Variants in MAP2K6 observed in about 807,000 individuals in gnomAD.
MAP2K6 encodes mitogen-activated protein kinase kinase 6.
In MAP2K6, 16 loss-of-function variants were observed where a neutral mutation model predicts 53.7. The ratio of observed to expected loss-of-function variants is 0.30; its 90% CI spans 0.20 to 0.45. The LOEUF is 0.45. Among genes scored for constraint, MAP2K6 ranks in the 20% least tolerant of loss-of-function variants. MAP2K6 has a pLI of 1.00. For missense variants in MAP2K6, 204 were observed against 411.9 expected, an observed-to-expected ratio of 0.50 and a Z score of 4.37; for synonymous variants, 132 against 143.1, an observed-to-expected ratio of 0.92 and a Z score of 0.55.
chr17:69,438,559 C>T (rs1906721298), intron 1 of MAP2K6, among the ~76,000 whole-genome samples: 1 of 151,960 alleles, frequency 6.6e-6, no homozygotes, highest in Non-Finnish European at 1.5e-5. Context: ...TTTTTTTGTA[C>T]ATCCTCTGAG....
intron 10 of MAP2K6, among the ~76,000 whole-genome samples, chr17:69,534,455 T>C (rs1207806498): frequency 1.3e-5 from 2 of 152,150 alleles, no homozygotes; most frequent in Non-Finnish European, 2.9e-5. Flanking sequence ...TGTCCTCACA[T>C]CTACCTGTAG....
intron 6 of MAP2K6, chr17:69,520,770 A>G: frequency 2.4e-6 from 1 of 409,032 alleles, no homozygotes. Context: ...TTCTACCTTC[A>G]TGGCTATTCA....
At chr17:69,492,963 A>C (rs1908805719) in intron 1 of MAP2K6, among the ~76,000 whole-genome samples, 4 of 152,066 alleles carry the variant, frequency 2.6e-5, no homozygotes, top group Admixed American at 6.5e-5. Context: ...TGGTCTATTC[A>C]GCTGAATCCA....
intron 10 of MAP2K6, among the ~76,000 whole-genome samples, chr17:69,532,917 A>G (rs1911156324): frequency 6.6e-6 from 1 of 152,118 alleles, no homozygotes; most frequent in African/African-American, 2.4e-5. Context: ...TACAGAGTTA[A>G]CAAAAATCTG....
rs181089429 is a variant in MAP2K6 at position 69,482,202 on chromosome 17, A to G, written c.17-23578A>G. On this transcript the variant is annotated intron_variant, in intron 1 of 11. Coordinates refer to ENST00000590474, the MANE Select transcript of MAP2K6 (RefSeq NM_002758.4). ...AAATAACCTAGGTTTTGGCAATGTCAGGACTGTTGATACCACCATGCACCA... is the reference window on the plus strand; with the variant it reads ...AAATAACCTAGGTTTTGGCAATGTCGGGACTGTTGATACCACCATGCACCA... 2.0e-5 allele frequency among the ~76,000 whole-genome samples: 3 copies of G among 152,224 alleles called. No individual in the cohort carries two copies. The East Asian group carries it at 5.8e-4, about 29-fold the overall frequency.
At chr17:69,421,777 T>A (rs1906090078) in intron 1 of MAP2K6, among the ~76,000 whole-genome samples, 1 of 152,008 alleles carries the variant, frequency 6.6e-6, no homozygotes, top group Non-Finnish European at 1.5e-5. Flanking sequence ...TCTCCTGACC[T>A]CGTGATCCAC....
intron 1 of MAP2K6, among the ~76,000 whole-genome samples, chr17:69,448,464 C>G (rs543289545): frequency 5.9e-5 from 9 of 152,232 alleles, no homozygotes; most frequent in African/African-American, 1.7e-4. Flanking sequence ...GTTCCCAGCC[C>G]GAAGCTGGAG....
chr17:69,424,817 G>A (rs1188465420), intron 1 of MAP2K6, among the ~76,000 whole-genome samples: 2 of 152,180 alleles, frequency 1.3e-5, no homozygotes, highest in Non-Finnish European at 2.9e-5. Flanking sequence ...AGAGTACAGA[G>A]TCTGACTCAT....
intron 1 of MAP2K6, among the ~76,000 whole-genome samples, chr17:69,469,848 G>A (rs1598277565): frequency 6.6e-6 from 1 of 152,104 alleles, no homozygotes; most frequent in East Asian, 1.9e-4. Context: ...ACATATGATG[G>A]CAAAGGAGAG....
At chr17:69,518,030 A>T (rs1910261834) in intron 4 of MAP2K6, among the ~76,000 whole-genome samples, 1 of 152,134 alleles carries the variant, frequency 6.6e-6, no homozygotes, top group Non-Finnish European at 1.5e-5. Flanking sequence ...CTCTACTAAA[A>T]ATACAAAAAA....
At chr17:69,493,338 A>G in intron 1 of MAP2K6, among the ~76,000 whole-genome samples, 1 of 151,956 alleles carries the variant, frequency 6.6e-6, no homozygotes, top group East Asian at 1.9e-4. Flanking sequence ...TTGCAACACT[A>G]ACTACAAAAG....
rs367955676 is a variant in MAP2K6, at chr17:69,526,653, G to A, written c.825G>A (p.Ser275=). The change falls in exon 10 of 12, where the codon TCG becomes TCA. Residue 275 remains serine, a synonymous_variant. Transcript: ENST00000590474. The part of the protein sequence containing the change: ...QQLKQVVEEP[S]PQLPADKFSA... ...TCAAACAGGTGGTAGAGGAGCCATC[G>A]CCACAACTCCCAGCAGACAAGTTCT... The A allele has an allele frequency of 1.8e-5, 29 of 1,613,860 alleles. No homozygotes were observed. Among genetic ancestry groups the A allele is most frequent in the African/African-American group, 9.3e-5 (7 of 74,890 alleles).
chr17:69,538,110 T>TC (rs1188301668), intron 11 of MAP2K6, among the ~76,000 whole-genome samples: 1 of 152,154 alleles, frequency 6.6e-6, no homozygotes, highest in Non-Finnish European at 1.5e-5. Context: ...GCTCAAACAA[T>TC]CCCCCGGCCT....
intron 1 of MAP2K6, among the ~76,000 whole-genome samples, chr17:69,457,153 A>G (rs889919589): frequency 2.6e-5 from 4 of 152,152 alleles, no homozygotes; most frequent in African/African-American, 7.2e-5. Context: ...TCTCTCTACA[A>G]TGGTGGTTTC....
intron 8 of MAP2K6, 59 bp from the exon 9 acceptor site, chr17:69,524,842 A>C (rs1192271605): frequency 9.1e-6 from 12 of 1,312,450 alleles, no homozygotes; most frequent in Non-Finnish European, 1.1e-5. Flanking sequence ...GAGACTATTG[A>C]GCTAAGAACG....
chr17:69,468,948 A>C (rs1196033790), intron 1 of MAP2K6, among the ~76,000 whole-genome samples: 1 of 152,220 alleles, frequency 6.6e-6, no homozygotes, highest in Non-Finnish European at 1.5e-5. Context: ...ACTAGAAGAG[A>C]GTGATTAATG....
At chr17:69,499,833 T>C (rs1242095390) in intron 1 of MAP2K6, among the ~76,000 whole-genome samples, 1 of 152,032 alleles carries the variant, frequency 6.6e-6, no homozygotes, top group Non-Finnish European at 1.5e-5. Flanking sequence ...TGGAGATCTA[T>C]TGTAGAGAGA....
At chr17:69,428,114 C>A (rs1906330952) in intron 1 of MAP2K6, among the ~76,000 whole-genome samples, 2 of 152,134 alleles carry the variant, frequency 1.3e-5, no homozygotes, top group South Asian at 4.1e-4. Context: ...GAACAGAATC[C>A]TCTTACTACC....
At chr17:69,489,049 C>T (rs1047834689) in intron 1 of MAP2K6, among the ~76,000 whole-genome samples, 3 of 151,596 alleles carry the variant, frequency 2.0e-5, no homozygotes, top group East Asian at 3.9e-4. Context: ...GGTGAAACCC[C>T]GTCTCTAGTA....
Sources: allele counts gnomAD v4.1 joint callset (sites outside exome capture counted in the v4.1 genomes callset), GRCh38; gene constraint gnomAD v4.1.1; transcripts MANE v1.5; gene names NCBI Gene and HGNC (gene_info 2026-07-23, HGNC 2026-07-21).